The following DIP2C variants were observed in gnomAD, a reference collection of about 807,000 sequenced individuals.
The protein encoded by DIP2C is disco-interacting protein 2 homolog C.
A neutral mutation model predicts 192.4 loss-of-function variants in DIP2C; 33 were observed. The observed-to-expected ratio is 0.17, with a 90% CI of 0.13 to 0.23. The LOEUF is 0.23. DIP2C is among the 10% of genes least tolerant of loss of function. DIP2C has a pLI of 1.00. For missense variants in DIP2C, 1,537 were observed against 2,110.1 expected, an observed-to-expected ratio of 0.73 and a Z score of 5.32; for synonymous variants, 979 against 864.1, an observed-to-expected ratio of 1.13 and a Z score of -2.33.
intron 1 of DIP2C, among the ~76,000 whole-genome samples, chr10:624,575 C>T (rs954569950): frequency 3.9e-5 from 6 of 152,194 alleles, no homozygotes; most frequent in African/African-American, 1.4e-4. Flanking sequence ...CACCAGCCCA[C>T]GGGGGCCCGG....
At chr10:570,674 T>C (rs2131523354) in intron 1 of DIP2C, among the ~76,000 whole-genome samples, 1 of 152,312 alleles carries the variant, frequency 6.6e-6, no homozygotes, top group African/African-American at 2.4e-5. Flanking sequence ...TTCTCACGTA[T>C]TCCTGTGTAG....
At chr10:481,370 G>C (rs1029503656) in intron 2 of DIP2C, among the ~76,000 whole-genome samples, 10 of 152,326 alleles carry the variant, frequency 6.6e-5, no homozygotes, top group African/African-American at 2.4e-4. Flanking sequence ...AGCCCAGTGG[G>C]AGAATCTGCA....
chr10:574,644 T>C (rs1292704381), intron 1 of DIP2C, among the ~76,000 whole-genome samples: 1 of 152,194 alleles, frequency 6.6e-6, no homozygotes, highest in Non-Finnish European at 1.5e-5. Context: ...TGAAACACAA[T>C]CTGCCCCAGC....
At chr10:656,422 T>C (rs1856339079) in intron 1 of DIP2C, among the ~76,000 whole-genome samples, 2 of 152,312 alleles carry the variant, frequency 1.3e-5, no homozygotes, top group East Asian at 1.9e-4. Flanking sequence ...CTTTACCATG[T>C]CCCACTACAT....
chr10:426,632 T>C (rs996831320), intron 4 of DIP2C, among the ~76,000 whole-genome samples: 2 of 152,218 alleles, frequency 1.3e-5, no homozygotes, highest in African/African-American at 2.4e-5. Context: ...ATTAAGGCAG[T>C]AGTATTAGCA....
chr10:325,639 G>A (rs1322170211), intron 31 of DIP2C, among the ~76,000 whole-genome samples: 2 of 152,176 alleles, frequency 1.3e-5, no homozygotes, highest in Non-Finnish European at 2.9e-5. Context: ...GGGATAGATG[G>A]CGATAAACAT....
At chr10:474,745 A>G (rs1216551834) in intron 2 of DIP2C, among the ~76,000 whole-genome samples, 1 of 152,224 alleles carries the variant, frequency 6.6e-6, no homozygotes, top group Non-Finnish European at 1.5e-5. Context: ...TTTCGCCTAG[A>G]TACGGACTTC....
At chr10:590,676 A>C (rs1034140739) in intron 1 of DIP2C, among the ~76,000 whole-genome samples, 5 of 152,174 alleles carry the variant, frequency 3.3e-5, no homozygotes, top group African/African-American at 4.8e-5. Context: ...CTATATCTCT[A>C]CAAGTTAGAC....
At chr10:515,496 G>GCCTC (rs1179546673) in intron 1 of DIP2C, among the ~76,000 whole-genome samples, 2 of 152,112 alleles carry the variant, frequency 1.3e-5, no homozygotes. Context: ...GCCAAAGTGG[G>GCCTC]CCAATCACTT....
chr10:621,777 G>A (rs1408570172), intron 1 of DIP2C, among the ~76,000 whole-genome samples: 3 of 152,200 alleles, frequency 2.0e-5, no homozygotes, highest in African/African-American at 7.2e-5. Context: ...CCAAGGTGCT[G>A]AGCACGGGGC....
intron 29 of DIP2C, among the ~76,000 whole-genome samples, chr10:331,894 T>C (rs1477059934): frequency 6.6e-6 from 1 of 152,218 alleles, no homozygotes; most frequent in East Asian, 1.9e-4. Context: ...GTAAAACATA[T>C]GTAACATAAC....
At position 341,100 on chromosome 10, in the gene DIP2C, G is replaced by A. The variant is rs111407088; in HGVS notation, c.3584+99C>T. 2.3e-5 allele frequency: 36 copies of A among 1,533,066 alleles called. 1 individual carries two copies. In the African/African-American group the frequency reaches 2.9e-4, roughly 12 times the overall value. 95.0% of individuals were successfully genotyped at this position (1,533,066 alleles called of 1,614,324 possible). The stretch of plus-strand genomic sequence containing the variant: ...CCCAGGCCTCCTCTGGCAGGAGTGG[G>A]GGTGTGGGGGCAGTGCTTAGGTTGC... On this transcript the variant is annotated intron_variant, in intron 29 of 36. Transcript: ENST00000280886.
At chr10:514,937 C>T (rs1564809797) in intron 1 of DIP2C, among the ~76,000 whole-genome samples, 1 of 152,054 alleles carries the variant, frequency 6.6e-6, no homozygotes, top group African/African-American at 2.4e-5. Flanking sequence ...TCAGTAGTAG[C>T]AAAAAACAAG....
intron 32 of DIP2C, 78 bp from the exon 33 acceptor site, chr10:288,499 G>A (rs1202553990): frequency 2.8e-5 from 41 of 1,475,704 alleles, no homozygotes; most frequent in Middle Eastern, 1.7e-4. Flanking sequence ...ACGAGGTCAC[G>A]AGCCTGGCAG....
chr10:341,365 C>T, intron 28 of DIP2C, 36 bp from the exon 29 acceptor site: 7 of 1,611,896 alleles, frequency 4.3e-6, no homozygotes, highest in Non-Finnish European at 5.9e-6. Context: ...CGCATCGGAC[C>T]TGACACCCTC....
intron 3 of DIP2C, among the ~76,000 whole-genome samples, chr10:458,352 G>T (rs1446280029): frequency 1.3e-5 from 2 of 152,236 alleles, no homozygotes; most frequent in Non-Finnish European, 2.9e-5. Flanking sequence ...ACTGACTCAG[G>T]AAAGATAAAC....
At chr10:612,322 TAATTC>T (rs1179468892) in intron 1 of DIP2C, among the ~76,000 whole-genome samples, 1 of 152,142 alleles carries the variant, frequency 6.6e-6, no homozygotes, top group Non-Finnish European at 1.5e-5. Flanking sequence ...TACACCCACT[TAATTC>T]TTCACCGATG....
chr10:453,781 C>A, intron 3 of DIP2C, among the ~76,000 whole-genome samples: 1 of 152,322 alleles, frequency 6.6e-6, no homozygotes, highest in Middle Eastern at 3.4e-3. Flanking sequence ...CACAGGGGCT[C>A]CAAGGAGACC....
chr10:395,682 A>G (rs772765363), intron 10 of DIP2C, among the ~76,000 whole-genome samples: 3 of 152,274 alleles, frequency 2.0e-5, no homozygotes, highest in Middle Eastern at 6.8e-3. Context: ...TGGCACAGAG[A>G]GGGCAAGACA....
Sources: gnomAD v4.1 joint callset for allele counts (sites outside exome capture counted in the v4.1 genomes callset) on GRCh38, gnomAD v4.1.1 for gene constraint, MANE v1.5 for transcripts, NCBI Gene and HGNC (gene_info 2026-07-23, HGNC 2026-07-21) for gene names.